MAP7: variants seen among roughly 807,000 people sequenced by gnomAD.
MAP7 encodes the protein microtubule associated protein 7.
MAP7 carries 52 observed loss-of-function variants against 94.8 expected under a neutral mutation model. The ratio of observed to expected loss-of-function variants is 0.55; its 90% confidence interval spans 0.44 to 0.69. The LOEUF (loss-of-function observed/expected upper bound fraction) is 0.69, where lower values mean the gene tolerates loss of function less well. Ranked by LOEUF, MAP7 falls within the 30% of genes least tolerant of loss-of-function variation. MAP7 has a pLI of 0.00. For missense variants in MAP7, 940 were observed against 964.6 expected, an observed-to-expected ratio of 0.97 and a Z score of 0.34; for synonymous variants, 350 against 357.0, an observed-to-expected ratio of 0.98 and a Z score of 0.22.
intron 1 of MAP7, among the ~76,000 whole-genome samples, chr6:136,549,770 A>C (rs1036564628): frequency 2.6e-5 from 4 of 152,272 alleles, no homozygotes; most frequent in Admixed American, 1.3e-4. Context: ...GGCCCTCCCG[A>C]GCTCGGTCCC....
chr6:136,539,361 C>A (rs922945852), intron 1 of MAP7, among the ~76,000 whole-genome samples: 2 of 152,118 alleles, frequency 1.3e-5, no homozygotes, highest in Non-Finnish European at 2.9e-5. Context: ...ACTCCAGAGA[C>A]CTTGCACAAA....
At chr6:136,456,366 G>A (rs143781808) in intron 1 of MAP7, among the ~76,000 whole-genome samples, 49 of 152,152 alleles carry the variant, frequency 3.2e-4, no homozygotes, top group African/African-American at 1.1e-3. Context: ...AGCTATAAAT[G>A]CCTACATTAA....
chr6:136,347,000 T>C (rs1412275852), intron 16 of MAP7, among the ~76,000 whole-genome samples: 1 of 152,220 alleles, frequency 6.6e-6, no homozygotes, highest in African/African-American at 2.4e-5. Context: ...TCTGACCTCA[T>C]CTTGATCCTT....
chr6:136,359,159 A>G (rs1202213677), intron 15 of MAP7, among the ~76,000 whole-genome samples: 1 of 148,930 alleles, frequency 6.7e-6, no homozygotes, highest in Non-Finnish European at 1.5e-5. Context: ...TATAATCTCC[A>G]AAAAAAAATC....
At chr6:136,377,559 C>A (rs2076192) in intron 7 of MAP7, among the ~76,000 whole-genome samples, 196 bp downstream of exon 7, 112,121 of 152,102 alleles carry the variant, frequency 0.74, 42,516 homozygotes, top group Middle Eastern at 0.85. Context: ...GCCTGCCTGG[C>A]GTCTGGTGTC....
chr6:136,484,362 T>C (rs961187119), intron 1 of MAP7, among the ~76,000 whole-genome samples: 14 of 152,196 alleles, frequency 9.2e-5, no homozygotes, highest in African/African-American at 2.4e-4. Flanking sequence ...AGTTGGATCC[T>C]GGCATAACTT....
chr6:136,346,165 T>C lies in MAP7; in HGVS notation c.2016-86A>G, dbSNP rs528455678. 5 of 725,772 alleles carry C rather than the reference T, an allele frequency of 6.9e-6. No individual in the cohort carries two copies. In the African/African-American group the frequency reaches 8.9e-5, roughly 13 times the overall value. 45.0% of individuals were successfully genotyped at this position (725,772 alleles called of 1,614,324 possible). On this transcript the variant is annotated intron_variant, in intron 16 of 17. Coordinates refer to ENST00000354570, the MANE Select transcript of MAP7 (RefSeq NM_003980.6). The stretch of plus-strand genomic sequence containing the variant: ...TTAGGAAAACCAAAATGTTTTATAA[T>C]GAATAATTTTATAAATCTACAATTA...
chr6:136,445,198 C>T (rs1013015216), intron 1 of MAP7, among the ~76,000 whole-genome samples: 1 of 152,112 alleles, frequency 6.6e-6, no homozygotes, highest in Admixed American at 6.5e-5. Flanking sequence ...TTACAGATGG[C>T]AAGCCATAAA....
At chr6:136,503,422 A>G (rs1254964871) in intron 1 of MAP7, among the ~76,000 whole-genome samples, 3 of 151,612 alleles carry the variant, frequency 2.0e-5, no homozygotes, top group Non-Finnish European at 1.5e-5. Flanking sequence ...GGGGTGGGGG[A>G]AGAAGAATCT....
chr6:136,526,141 T>C (rs955449038), intron 1 of MAP7: 9 of 1,312,732 alleles, frequency 6.9e-6, no homozygotes, highest in Non-Finnish European at 8.7e-6. Context: ...ACCAGCCACT[T>C]GGCAACTGAG....
chr6:136,424,061 G>T (rs1792359970), intron 1 of MAP7, among the ~76,000 whole-genome samples: 1 of 151,978 alleles, frequency 6.6e-6, no homozygotes, highest in South Asian at 2.1e-4. Context: ...GCCTCCCAAA[G>T]TGCTGGGATT....
chr6:136,434,922 T>C (rs897550237), intron 1 of MAP7, among the ~76,000 whole-genome samples: 1 of 152,212 alleles, frequency 6.6e-6, no homozygotes, highest in Non-Finnish European at 1.5e-5. Flanking sequence ...GCAATTTACA[T>C]GCTTGCTGTC....
At chr6:136,514,598 A>G (rs1824258668) in intron 1 of MAP7, among the ~76,000 whole-genome samples, 3 of 151,544 alleles carry the variant, frequency 2.0e-5, no homozygotes, top group Admixed American at 6.6e-5. Context: ...AAAAAAAAAA[A>G]AAAAAAAAAG....
chr6:136,463,184 A>G (rs1053504370), intron 1 of MAP7, among the ~76,000 whole-genome samples: 2 of 152,152 alleles, frequency 1.3e-5, no homozygotes, highest in Admixed American at 6.5e-5. Flanking sequence ...CATATACACA[A>G]TGATACTTAT....
intron 1 of MAP7, among the ~76,000 whole-genome samples, chr6:136,469,058 A>T (rs913650270): frequency 2.0e-5 from 3 of 152,156 alleles, no homozygotes; most frequent in Admixed American, 2.0e-4. Flanking sequence ...ACAAGAGAGA[A>T]AAGAGAATAA....
At chr6:136,526,796 G>T in intron 1 of MAP7, 2 of 475,462 alleles carry the variant, frequency 4.2e-6, no homozygotes, top group Non-Finnish European at 5.4e-6. Context: ...GCCCCTGGAT[G>T]AATGAAGGCA....
intron 1 of MAP7, among the ~76,000 whole-genome samples, chr6:136,429,845 T>C (rs1335153726): frequency 6.6e-6 from 1 of 152,188 alleles, no homozygotes; most frequent in African/African-American, 2.4e-5. Flanking sequence ...AAATGATATA[T>C]TTTCCCCTTG....
At chr6:136,539,416 G>C (rs1829138227) in intron 1 of MAP7, among the ~76,000 whole-genome samples, 2 of 152,152 alleles carry the variant, frequency 1.3e-5, no homozygotes, top group Non-Finnish European at 2.9e-5. Flanking sequence ...TTAGTTTTGA[G>C]CTTCAGACCT....
intron 1 of MAP7, among the ~76,000 whole-genome samples, chr6:136,456,762 G>GA: frequency 5.0e-4 from 23 of 46,412 alleles, no homozygotes; most frequent in African/African-American, 1.5e-3. Context: ...GGAGGAGGAG[G>GA]AGGAGGAAGA....
Sources: gnomAD v4.1 joint callset for allele counts (sites outside exome capture counted in the v4.1 genomes callset) on GRCh38, gnomAD v4.1.1 for gene constraint, MANE v1.5 for transcripts, NCBI Gene and HGNC (gene_info 2026-07-23, HGNC 2026-07-21) for gene names.